PTPRF: variants seen among roughly 807,000 people sequenced by gnomAD.
PTPRF encodes protein tyrosine phosphatase receptor type F.
Under a neutral mutation model 201.8 loss-of-function variants are expected in PTPRF, and 59 were observed. The observed-to-expected ratio is 0.29, with a 90% CI of 0.24 to 0.36. The LOEUF (loss-of-function observed/expected upper bound fraction) is 0.36, where lower values mean the gene tolerates loss of function less well. PTPRF is among the 10% of genes least tolerant of loss of function. PTPRF has a pLI of 1.00. For synonymous variants in PTPRF, 1,088 were observed against 1,089.7 expected (o/e 1.00, Z 0.03); for missense variants, 2,132 against 2,690.5 (o/e 0.79, Z 4.59).
chr1:43,618,964 A>G (rs994546719), intron 26 of PTPRF, 84 bp from the exon 27 acceptor site: 13 of 1,496,036 alleles, frequency 8.7e-6, no homozygotes, highest in Non-Finnish European at 1.2e-5. Flanking sequence ...AGTGGCGGGT[A>G]TGGCCTCAGC....
chr1:43,597,544 AG>A (rs1180454571), intron 11 of PTPRF, among the ~76,000 whole-genome samples: 5 of 152,070 alleles, frequency 3.3e-5, no homozygotes. Context: ...GAGAGAGGGA[AG>A]GAGAGAGAGG....
At chr1:43,584,276 C>T (rs3791136) in intron 7 of PTPRF, among the ~76,000 whole-genome samples, 41,992 of 152,158 alleles carry the variant, frequency 0.28, 6,921 homozygotes, top group Non-Finnish European at 0.37. Context: ...AGGCCATCCT[C>T]GTTCCCTCTG....
At position 43,619,823 on chromosome 1, in the gene PTPRF, T is replaced by C; in HGVS notation, c.5076T>C (p.Ser1692=). ...CLQPIRGVEG[S]DYINASFLDG... ...AGCCCATCCGTGGTGTGGAGGGCTC[T>C]GACTACATCAATGCCAGCTTCCTGG... Residue 1692 remains serine (S), a synonymous_variant, in exon 29 of 34, where the codon TCT becomes TCC. Coordinates refer to ENST00000359947, the MANE Select transcript of PTPRF (RefSeq NM_002840.5). 1.2e-6 allele frequency: 2 copies of C among 1,614,240 alleles called. No individual in the cohort carries two copies. Among genetic ancestry groups the C allele is most frequent in the South Asian group, 1.1e-5 (1 of 91,090 alleles).
intron 1 of PTPRF, among the ~76,000 whole-genome samples, chr1:43,534,034 G>A (rs1023443329): frequency 4.0e-5 from 6 of 151,086 alleles, no homozygotes; most frequent in East Asian, 1.9e-4. Context: ...GGGAGAGTTC[G>A]GAGGTCAGGG....
chr1:43,534,730 C>A (rs74071940), intron 1 of PTPRF, among the ~76,000 whole-genome samples: 3,452 of 152,122 alleles, frequency 0.023, 116 homozygotes, highest in African/African-American at 0.078. Context: ...TCGGTCGGAC[C>A]AAGAGAAGCG....
intron 1 of PTPRF, among the ~76,000 whole-genome samples, chr1:43,532,789 G>C (rs1643722899): frequency 6.6e-6 from 1 of 152,050 alleles, no homozygotes; most frequent in Admixed American, 6.5e-5. Context: ...AACTCCCCAA[G>C]TACAACCCCC....
intron 22 of PTPRF, chr1:43,613,159 TG>T: frequency 1.2e-5 from 3 of 242,232 alleles, no homozygotes; most frequent in South Asian, 4.8e-5. Context: ...CTGTACTTCA[TG>T]ACCACTCCAT....
intron 33 of PTPRF, among the ~76,000 whole-genome samples, chr1:43,621,706 T>C (rs990303303): frequency 6.6e-6 from 1 of 152,122 alleles, no homozygotes; most frequent in Admixed American, 6.5e-5. Flanking sequence ...ATGATTGGGA[T>C]GGCAGATGGA....
chr1:43,603,330 C>A lies in PTPRF; in HGVS notation c.2341-86C>A. The A allele has an allele frequency of 7.9e-7, 1 of 1,263,688 alleles. No homozygotes were observed. The highest frequency in any genetic ancestry group is 1.2e-5 in the South Asian group (1 of 82,314). 78.3% of individuals were successfully genotyped at this position (1,263,688 alleles called of 1,614,324 possible). ...TGGCCTTGTGTGCCCCGGGGCTCCC[C>A]TCAGGCTAGGGTCCTGAGGTCCCTG... On this transcript the variant is annotated intron_variant, in intron 14 of 33. Coordinates refer to ENST00000359947, the MANE Select transcript of PTPRF (RefSeq NM_002840.5). This position sits in a 1 kb window ranked among gnomAD's most constrained non-coding sequence, Gnocchi z 5.8.
chr1:43,549,405 G>A (rs982192116), intron 3 of PTPRF, among the ~76,000 whole-genome samples: 4 of 152,202 alleles, frequency 2.6e-5, no homozygotes, highest in Admixed American at 2.6e-4. Flanking sequence ...GCTTGGCTGG[G>A]TGGGACATGA....
Position 43,622,098 on chromosome 1 carries a change from G to A in PTPRF, c.*95G>A, listed in dbSNP as rs1335296174. On this transcript the variant is annotated 3_prime_UTR_variant, in exon 34 of 34. Coordinates refer to ENST00000359947, the MANE Select transcript of PTPRF (RefSeq NM_002840.5). The stretch of plus-strand genomic sequence containing the variant: ...ACCGACCATCGTCCAGCCCTCCTAC[G>A]CAGATGCTGTCACTGGCAGAGCACA... The A allele has an allele frequency of 9.7e-6, 13 of 1,336,040 alleles. No individual in the cohort carries two copies. The highest frequency in any genetic ancestry group is 2.9e-5 in the African/African-American group (2 of 69,504). The allele number at this position is 1,336,040 out of a possible 1,614,324, so 82.8% of individuals were successfully genotyped here.
chr1:43,596,843 G>C (rs1027341790), intron 11 of PTPRF, among the ~76,000 whole-genome samples: 1 of 152,216 alleles, frequency 6.6e-6, no homozygotes, highest in African/African-American at 2.4e-5. Context: ...ATATGTGTGG[G>C]AGAGACCTCG....
chr1:43,583,114 A>G (rs1393672385), intron 7 of PTPRF: 1 of 984,514 alleles, frequency 1.0e-6, no homozygotes, highest in Non-Finnish European at 1.2e-6. Context: ...TTCACTTCTT[A>G]TCCATCTACA....
At chr1:43,545,456 G>C (rs559941036) in intron 3 of PTPRF, among the ~76,000 whole-genome samples, 1 of 152,112 alleles carries the variant, frequency 6.6e-6, no homozygotes, top group Non-Finnish European at 1.5e-5. Flanking sequence ...TGTGATGTGC[G>C]CGTGTGTGTG....
At position 43,618,654 on chromosome 1, in the gene PTPRF, G is replaced by A; in HGVS notation, c.4396G>A (p.Ala1466Thr). 1 of 1,612,158 alleles carries A rather than the reference G, an allele frequency of 6.2e-7. No individual in the cohort carries two copies. The highest frequency in any genetic ancestry group is 8.5e-7 in the Non-Finnish European group (1 of 1,178,398). ...SRVKCDQYWP[A>T]RGTETCGLIQ... ...GGTAAAATGTGATCAGTACTGGCCA[G>A]CCCGTGGCACCGAGACCTGTGGCCT... The change falls in exon 26 of 34, where the codon GCC becomes ACC. Residue 1466 changes from alanine (A) to threonine (T), a missense_variant. Ala to Thr is a moderately conservative substitution (Grantham distance 58, BLOSUM62 0). Around this residue, in one of 6 missense-constraint regions of PTPRF, gnomAD observed 519 missense variants for 659.5 expected, o/e 0.79. Coordinates refer to ENST00000359947, the MANE Select transcript of PTPRF (RefSeq NM_002840.5).
chr1:43,557,266 C>T lies in PTPRF; in HGVS notation c.379+3325C>T, dbSNP rs528579261. Among the ~76,000 whole-genome samples, 5 of 152,352 alleles carry T rather than the reference C, an allele frequency of 3.3e-5. No homozygotes were observed. The South Asian group carries it at 1.0e-3, about 32-fold the overall frequency. On this transcript the variant is annotated intron_variant, in intron 5 of 33. Transcript: ENST00000359947. ...CTCTTACCTCTGCCACTGCCCTGGGCAGCCTTACCTTTCAAAGGGTTGAGG... is the reference window on the plus strand; with the variant it reads ...CTCTTACCTCTGCCACTGCCCTGGGTAGCCTTACCTTTCAAAGGGTTGAGG...
In PTPRF at chr1:43,613,723, G is replaced by A. The variant is rs1657049333; in HGVS notation, c.4071+8G>A. 1.9e-6 allele frequency: 3 copies of A among 1,611,752 alleles called. No homozygotes were observed. Among genetic ancestry groups the A allele is most frequent in the South Asian group, 1.1e-5 (1 of 91,038 alleles). On this transcript the variant is annotated splice_region_variant and intron_variant, in intron 23 of 33. Transcript: ENST00000359947. ...TTCTCCCAGGAGTATGAGGTGAGAT[G>A]TTCCCGCCCCCTACCATGTGCCTGG...
intron 5 of PTPRF, among the ~76,000 whole-genome samples, chr1:43,567,195 T>C (rs1009861495): frequency 6.6e-6 from 1 of 152,034 alleles, no homozygotes; most frequent in Non-Finnish European, 1.5e-5. Flanking sequence ...AGGATGGCCC[T>C]AGCAGCCCCG....
chr1:43,603,361 G>T lies in PTPRF; in HGVS notation c.2341-55G>T. Reference sequence around the variant, plus strand: ...CTAGGGTCCTGAGGTCCCTGACAAGGTCTGGCCTCTCCCTGCATTCTTGTG... The same window carrying T: ...CTAGGGTCCTGAGGTCCCTGACAAGTTCTGGCCTCTCCCTGCATTCTTGTG... On this transcript the variant is annotated intron_variant, in intron 14 of 33. Transcript: ENST00000359947. This position sits in a 1 kb window ranked among gnomAD's most constrained non-coding sequence, Gnocchi z 5.8. 6.6e-7 allele frequency: 1 copy of T among 1,520,032 alleles called. No homozygotes were observed. The highest frequency in any genetic ancestry group is 9.1e-7 in the Non-Finnish European group (1 of 1,094,696). 94.2% of individuals were successfully genotyped at this position (1,520,032 alleles called of 1,614,324 possible). A position where few individuals can be genotyped will look rare whatever the true frequency, so the allele number is the denominator to read the frequency against.
Sources: allele counts gnomAD v4.1 joint callset (sites outside exome capture counted in the v4.1 genomes callset), GRCh38; gene constraint gnomAD v4.1.1; regional missense constraint gnomAD v4.1.1; non-coding constraint Gnocchi (gnomAD v3.1); transcripts MANE v1.5; gene names NCBI Gene and HGNC (gene_info 2026-07-23, HGNC 2026-07-21).